The following HDAC9 variants were observed in gnomAD, a reference collection of about 807,000 sequenced individuals.
The protein encoded by HDAC9 is MEF-2 interacting transcription repressor (MITR) protein.
A neutral mutation model predicts 139.4 loss-of-function variants in HDAC9; 41 were observed. The observed-to-expected ratio is 0.29, with a 90% confidence interval of 0.23 to 0.38. The LOEUF (loss-of-function observed/expected upper bound fraction) is 0.38. HDAC9 is among the 10% of genes least tolerant of loss of function. HDAC9 has a pLI of 1.00. For missense variants in HDAC9, 1,147 were observed against 1,297.0 expected (o/e 0.88, Z 1.78); for synonymous variants, 517 against 476.2 (o/e 1.09, Z -1.12).
chr7:18,979,319 TATAGAA>T (rs763591049), intron 25 of HDAC9, among the ~76,000 whole-genome samples: 155 of 152,256 alleles, frequency 1.0e-3, no homozygotes, highest in Non-Finnish European at 1.0e-3. Flanking sequence ...TTAAGATTTA[TATAGAA>T]ATATAGACCA....
Position 18,744,322 on chromosome 7 carries a change from A to G in HDAC9, c.1910-4683A>G, listed in dbSNP as rs138178264. On this transcript the variant is annotated intron_variant, in intron 13 of 25. Coordinates refer to ENST00000686413, the MANE Select transcript of HDAC9 (RefSeq NM_178425.4). ...TACTAGATTTTAAGTTAAATGTGGTAAAATGAAGCTGCTAGAATCTGGAAC... is the reference window on the plus strand; with the variant it reads ...TACTAGATTTTAAGTTAAATGTGGTGAAATGAAGCTGCTAGAATCTGGAAC... Among the ~76,000 whole-genome samples, 18 of 152,314 alleles carry G rather than the reference A, an allele frequency of 1.2e-4. No homozygotes were observed. The East Asian group carries it at 3.5e-3, about 29-fold the overall frequency.
chr7:18,392,315 TCACACACACA>T lies in HDAC9; in HGVS notation c.-42+101828_-42+101837del, dbSNP rs57932620. Among the ~76,000 whole-genome samples, 647 of 119,332 alleles carry T rather than the reference TCACACACACA, an allele frequency of 5.4e-3. 7 individuals carry two copies. Among genetic ancestry groups the T allele is most frequent in the African/African-American group, 0.019 (558 of 30,100 alleles). The allele number at this position is 119,332 out of a possible 152,430, so 78.3% of individuals were successfully genotyped here. A position where few individuals can be genotyped will look rare whatever the true frequency, so the allele number is the denominator to read the frequency against. On this transcript the variant is annotated intron_variant, in intron 1 of 3. Coordinates refer to the HDAC9 transcript ENST00000413509. Reference sequence around the variant, plus strand: ...GTCTCTCTCTCTCTCTCTCTCTCTCTCACACACACACACACACACACACACACACACACAC... The same window carrying T: ...GTCTCTCTCTCTCTCTCTCTCTCTCTCACACACACACACACACACACACAC...
chr7:18,392,682 T>A (rs1450880320), intron 1 of HDAC9, among the ~76,000 whole-genome samples: 1 of 152,076 alleles, frequency 6.6e-6, no homozygotes. Context: ...ATTGTTAGTA[T>A]TTTACCTTGT....
At chr7:18,683,240 A>G (rs1449268330) in intron 12 of HDAC9, among the ~76,000 whole-genome samples, 1 of 152,042 alleles carries the variant, frequency 6.6e-6, no homozygotes, top group Non-Finnish European at 1.5e-5. Flanking sequence ...CTTGTAGTAA[A>G]CATTACTCCA....
At chr7:18,561,668 G>A (rs1293880879) in intron 2 of HDAC9, among the ~76,000 whole-genome samples, 2 of 147,178 alleles carry the variant, frequency 1.4e-5, no homozygotes, top group East Asian at 4.0e-4. Context: ...CCCATTTTTT[G>A]GACATTTGAT....
At chr7:18,947,592 C>T (rs910636761) in intron 23 of HDAC9, among the ~76,000 whole-genome samples, 1 of 151,816 alleles carries the variant, frequency 6.6e-6, no homozygotes, top group Admixed American at 6.6e-5. Context: ...TAATTACTTA[C>T]AAAACTGGGT....
intron 16 of HDAC9, among the ~76,000 whole-genome samples, chr7:18,786,406 G>T (rs564883945): frequency 6.6e-6 from 1 of 151,812 alleles, no homozygotes; most frequent in East Asian, 1.9e-4. Context: ...TGCCTAATGT[G>T]AATAGTACCA....
chr7:18,673,925 A>G (rs1029589468), intron 12 of HDAC9, among the ~76,000 whole-genome samples: 1 of 152,054 alleles, frequency 6.6e-6, no homozygotes, highest in African/African-American at 2.4e-5. Context: ...TTTATTACCA[A>G]TATTAGTTGT....
At chr7:18,862,005 G>C (rs1345237767) in intron 21 of HDAC9, among the ~76,000 whole-genome samples, 1 of 151,876 alleles carries the variant, frequency 6.6e-6, no homozygotes, top group Non-Finnish European at 1.5e-5. Flanking sequence ...GTAGTGAAAT[G>C]ATATGGACTC....
chr7:18,935,746 A>T, intron 22 of HDAC9, 63 bp from the exon 23 acceptor site: 3 of 1,449,136 alleles, frequency 2.1e-6, no homozygotes, highest in Non-Finnish European at 2.9e-6. Context: ...GCTCAATGTT[A>T]GATTCTAGTG....
chr7:18,660,589 G>A (rs1792807266), intron 11 of HDAC9, among the ~76,000 whole-genome samples: 1 of 152,084 alleles, frequency 6.6e-6, no homozygotes, highest in South Asian at 2.1e-4. Flanking sequence ...TATAGTCTGG[G>A]AGATAACTAT....
chr7:18,371,346 T>A, intron 1 of HDAC9, among the ~76,000 whole-genome samples: 1 of 152,164 alleles, frequency 6.6e-6, no homozygotes, highest in East Asian at 1.9e-4. Context: ...AAAATTAATG[T>A]TAAGAAGGAA....
chr7:18,301,073 CTG>C (rs1266354430), intron 1 of HDAC9, among the ~76,000 whole-genome samples: 2 of 146,158 alleles, frequency 1.4e-5, no homozygotes, highest in African/African-American at 5.0e-5. Flanking sequence ...GATGAAAACA[CTG>C]TTTTTTTTTC....
chr7:18,444,366 AAG>A, intron 1 of HDAC9, among the ~76,000 whole-genome samples: 2 of 150,098 alleles, frequency 1.3e-5, no homozygotes, highest in South Asian at 2.1e-4. Context: ...AAAAAAAAAA[AAG>A]AGTGATGTGC....
intron 14 of HDAC9, among the ~76,000 whole-genome samples, chr7:18,758,582 A>G (rs1474116342): frequency 6.6e-6 from 1 of 152,192 alleles, no homozygotes; most frequent in African/African-American, 2.4e-5. Flanking sequence ...TATGAAAGGA[A>G]AAGTTGAATG....
rs143929870 is a variant in HDAC9 at position 18,630,436 on chromosome 7, A to G, written c.796+955A>G. On this transcript the variant is annotated intron_variant, in intron 7 of 25. Transcript: ENST00000686413. ...AACTCTTTTGGCCATGACAGTGTCT[A>G]CAGGAAGGCAATATAGAGGAAGACT... is the stretch of plus-strand genomic sequence containing the variant. Among the ~76,000 whole-genome samples, 6 of 152,210 alleles carry G rather than the reference A, an allele frequency of 3.9e-5. No homozygotes were observed. In the East Asian group the frequency reaches 1.2e-3, roughly 30 times the overall value.
At chr7:18,538,565 G>C (rs1811653863) in intron 2 of HDAC9, among the ~76,000 whole-genome samples, 1 of 152,168 alleles carries the variant, frequency 6.6e-6, no homozygotes. Context: ...TAATTCCCTT[G>C]TGAAGTCAGG....
At chr7:18,670,152 C>T (rs1250239648) in intron 12 of HDAC9, among the ~76,000 whole-genome samples, 1 of 151,726 alleles carries the variant, frequency 6.6e-6, no homozygotes, top group Non-Finnish European at 1.5e-5. Context: ...TGAAGGTTTA[C>T]AATGATAAAT....
chr7:18,979,833 T>A (rs1040794623), intron 25 of HDAC9, among the ~76,000 whole-genome samples: 2 of 152,122 alleles, frequency 1.3e-5, no homozygotes, highest in African/African-American at 4.8e-5. Context: ...AGCAAGAGCT[T>A]ACTTATCACC....
Sources: allele counts gnomAD v4.1 joint callset (sites outside exome capture counted in the v4.1 genomes callset), GRCh38; gene constraint gnomAD v4.1.1; transcripts MANE v1.5; gene names NCBI Gene and HGNC (gene_info 2026-07-23, HGNC 2026-07-21).